Variants in ERC2 observed in about 807,000 individuals in gnomAD.
ERC2 encodes ELKS/RAB6-interacting/CAST family member 2.
In ERC2, 42 loss-of-function variants were observed where a neutral mutation model predicts 114.8. That is an observed-to-expected ratio of 0.37 (90% CI 0.29 to 0.47). ERC2 has a LOEUF of 0.47. ERC2 is among the 20% of genes least tolerant of loss of function. The pLI, the probability that ERC2 is intolerant of heterozygous loss-of-function variation, is 0.99. For synonymous variants in ERC2, 454 were observed against 425.5 expected (o/e 1.07, Z -0.82); for missense variants, 939 against 1,150.7 (o/e 0.82, Z 2.66).
intron 14 of ERC2, among the ~76,000 whole-genome samples, chr3:55,884,846 A>T (rs1184454577): frequency 6.6e-6 from 1 of 152,092 alleles, no homozygotes; most frequent in African/African-American, 2.4e-5. Context: ...TTAGGTTTCA[A>T]AGCACTTTCA....
chr3:56,352,664 A>G (rs141804466), intron 2 of ERC2, among the ~76,000 whole-genome samples: 35 of 152,348 alleles, frequency 2.3e-4, no homozygotes, highest in African/African-American at 7.9e-4. Context: ...GAGTCTAAAT[A>G]TGACTTAGCC....
At chr3:55,971,988 C>T (rs751491375) in intron 12 of ERC2, among the ~76,000 whole-genome samples, 1 of 152,126 alleles carries the variant, frequency 6.6e-6, no homozygotes, top group Non-Finnish European at 1.5e-5. Flanking sequence ...TTGATACTAG[C>T]TCAGTTCATG....
chr3:56,131,970 C>T (rs745367626), intron 6 of ERC2, among the ~76,000 whole-genome samples: 11 of 152,134 alleles, frequency 7.2e-5, no homozygotes, highest in Admixed American at 1.3e-4. Flanking sequence ...AATTATTACA[C>T]GTCAATTAAA....
At chr3:55,778,658 T>C (rs527787942) in intron 14 of ERC2, among the ~76,000 whole-genome samples, 1 of 152,258 alleles carries the variant, frequency 6.6e-6, no homozygotes, top group South Asian at 2.1e-4. Flanking sequence ...ATCCACAATA[T>C]GACACATTAA....
At position 56,227,298 on chromosome 3, in the gene ERC2, C is replaced by T. The variant is rs75387841; in HGVS notation, c.1075-53778G>A. On this transcript the variant is annotated intron_variant, in intron 3 of 17. Transcript: ENST00000288221. ...ATTCACTATAATGTGGAAGTTGCATCGGTTCCTGGGCAGTTTTTCTAAAGC... is the reference window on the plus strand; with the variant it reads ...ATTCACTATAATGTGGAAGTTGCATTGGTTCCTGGGCAGTTTTTCTAAAGC... 2.7e-3 allele frequency among the ~76,000 whole-genome samples: 413 copies of T among 152,072 alleles called. 1 individual carries two copies. Among genetic ancestry groups the T allele is most frequent in the South Asian group, 0.018 (86 of 4,808 alleles).
At chr3:56,183,025 A>G (rs2083372481) in intron 3 of ERC2, among the ~76,000 whole-genome samples, 1 of 152,224 alleles carries the variant, frequency 6.6e-6, no homozygotes, top group African/African-American at 2.4e-5. Context: ...TCAAGCGTTT[A>G]TAAATAATAA....
At chr3:56,304,929 G>A (rs1421120568) in intron 2 of ERC2, among the ~76,000 whole-genome samples, 9 of 152,018 alleles carry the variant, frequency 5.9e-5, no homozygotes, top group African/African-American at 1.7e-4. Flanking sequence ...ATAAAATTAC[G>A]CTATTATAAG....
chr3:55,943,156 C>T (rs780714432), intron 13 of ERC2, among the ~76,000 whole-genome samples: 3 of 152,166 alleles, frequency 2.0e-5, no homozygotes, highest in Admixed American at 2.0e-4. Flanking sequence ...GCATGTTGAA[C>T]ACGATTGCAC....
At chr3:55,817,042 C>A (rs1448113033) in intron 14 of ERC2, among the ~76,000 whole-genome samples, 1 of 152,192 alleles carries the variant, frequency 6.6e-6, no homozygotes, top group African/African-American at 2.4e-5. Flanking sequence ...TTCAAATAAC[C>A]ACTTTCAAAG....
chr3:55,990,216 T>C (rs539373274), intron 11 of ERC2, among the ~76,000 whole-genome samples: 61 of 152,286 alleles, frequency 4.0e-4, no homozygotes, highest in African/African-American at 1.4e-3. Context: ...CCTTTAAGGA[T>C]TCTATTTGGG....
intron 7 of ERC2, among the ~76,000 whole-genome samples, chr3:56,034,368 A>G (rs2074661017): frequency 6.6e-6 from 1 of 152,162 alleles, no homozygotes; most frequent in Admixed American, 6.5e-5. Flanking sequence ...GTAGAAACAG[A>G]CAGCAATACA....
At chr3:55,872,883 A>G (rs1433685553) in intron 14 of ERC2, among the ~76,000 whole-genome samples, 2 of 152,206 alleles carry the variant, frequency 1.3e-5, no homozygotes, top group Non-Finnish European at 2.9e-5. Context: ...GAGAAACAAC[A>G]GACAGATACA....
At chr3:55,775,999 T>A (rs1312814604) in intron 14 of ERC2, among the ~76,000 whole-genome samples, 1 of 152,112 alleles carries the variant, frequency 6.6e-6, no homozygotes, top group Non-Finnish European at 1.5e-5. Flanking sequence ...TTGGTGGTGA[T>A]CCACAGACCA....
At chr3:55,903,408 A>C (rs1325359101) in intron 13 of ERC2, among the ~76,000 whole-genome samples, 2 of 152,328 alleles carry the variant, frequency 1.3e-5, no homozygotes, top group African/African-American at 4.8e-5. Context: ...CTTGCTTTTT[A>C]AATGCCAAAT....
intron 2 of ERC2, among the ~76,000 whole-genome samples, chr3:56,427,511 C>T (rs924278308): frequency 4.6e-5 from 7 of 152,140 alleles, no homozygotes; most frequent in African/African-American, 1.7e-4. Context: ...AATTGTGTAT[C>T]CCTACCCTCA....
chr3:56,054,602 T>G (rs1016115369), intron 7 of ERC2, among the ~76,000 whole-genome samples: 1 of 152,328 alleles, frequency 6.6e-6, no homozygotes, highest in Admixed American at 6.5e-5. Flanking sequence ...TTCATTCTCC[T>G]AATAATCCTA....
At chr3:55,778,267 G>A (rs989920345) in intron 14 of ERC2, among the ~76,000 whole-genome samples, 1 of 152,162 alleles carries the variant, frequency 6.6e-6, no homozygotes, top group Non-Finnish European at 1.5e-5. Flanking sequence ...AGGTTCTCTG[G>A]AAACATGACT....
chr3:56,082,369 C>T (rs1418342710), intron 6 of ERC2, among the ~76,000 whole-genome samples: 1 of 152,142 alleles, frequency 6.6e-6, no homozygotes, highest in African/African-American at 2.4e-5. Flanking sequence ...ATTGATCTCT[C>T]ATCAGACAAG....
chr3:55,550,993 G>A (rs1313979851), intron 17 of ERC2, among the ~76,000 whole-genome samples: 5 of 148,134 alleles, frequency 3.4e-5, no homozygotes, highest in Non-Finnish European at 7.4e-5. Context: ...TCCAGCCTGG[G>A]TGACAAAGCA....
Sources: allele counts gnomAD v4.1 joint callset (sites outside exome capture counted in the v4.1 genomes callset), GRCh38; gene constraint gnomAD v4.1.1; transcripts MANE v1.5; gene names NCBI Gene and HGNC (gene_info 2026-07-23, HGNC 2026-07-21).